MAP4K3: variants seen among roughly 807,000 people sequenced by gnomAD.
MAP4K3 encodes MAPK/ERK kinase kinase kinase 3.
In MAP4K3, 94 loss-of-function variants were observed where a neutral mutation model predicts 143.5. That is an observed-to-expected ratio of 0.65 (90% CI 0.55 to 0.78). MAP4K3 has a LOEUF of 0.78. Among genes scored for constraint, MAP4K3 ranks in the 30% least tolerant of loss-of-function variants. The probability of loss-of-function intolerance (pLI) is 0.00; values close to 1 mark genes in which losing one functional copy is unlikely to be tolerated. For synonymous variants in MAP4K3, 416 were observed against 347.2 expected (o/e 1.20, Z -2.20); for missense variants, 1,077 against 1,068.1 (o/e 1.01, Z -0.12).
At chr2:39,420,184 G>T (rs1370620614) in intron 1 of MAP4K3, among the ~76,000 whole-genome samples, 1 of 152,128 alleles carries the variant, frequency 6.6e-6, no homozygotes, top group Admixed American at 6.6e-5. Context: ...GAAAGCAAAC[G>T]CTAAACAATC....
intron 12 of MAP4K3, 88 bp from the exon 13 acceptor site, chr2:39,315,476 T>C (rs541311378): frequency 8.8e-6 from 8 of 907,294 alleles, no homozygotes; most frequent in African/African-American, 1.7e-5. Context: ...GAAAAAATAC[T>C]TCATTTTAAG....
At chr2:39,256,642 T>C (rs1680352193) in intron 31 of MAP4K3, among the ~76,000 whole-genome samples, 1 of 152,252 alleles carries the variant, frequency 6.6e-6, no homozygotes, top group African/African-American at 2.4e-5. Flanking sequence ...TTTATTTAGA[T>C]TTTTAAAAAT....
At chr2:39,368,957 T>A (rs1665999531) in intron 2 of MAP4K3, among the ~76,000 whole-genome samples, 1 of 152,072 alleles carries the variant, frequency 6.6e-6, no homozygotes, top group African/African-American at 2.4e-5. Flanking sequence ...AACCTATCAA[T>A]CACGTTTTAA....
At chr2:39,369,643 A>C (rs1198559096) in intron 2 of MAP4K3, among the ~76,000 whole-genome samples, 2 of 152,178 alleles carry the variant, frequency 1.3e-5, no homozygotes, top group African/African-American at 4.8e-5. Context: ...TCTACTAGCA[A>C]AATCCTAGCC....
chr2:39,377,382 A>C (rs1300522253), intron 2 of MAP4K3, among the ~76,000 whole-genome samples: 2 of 152,082 alleles, frequency 1.3e-5, no homozygotes, highest in Admixed American at 1.3e-4. Context: ...TAGCACAATT[A>C]TAGACTTGCT....
chr2:39,341,213 C>T (rs996038584), intron 4 of MAP4K3, among the ~76,000 whole-genome samples: 2 of 152,076 alleles, frequency 1.3e-5, no homozygotes, highest in African/African-American at 4.8e-5. Flanking sequence ...GTTCTAATAA[C>T]CATAGAAGCT....
chr2:39,258,409 T>A lies in MAP4K3; in HGVS notation c.2409A>T (p.Arg803Ser), dbSNP rs747124130. The A allele has an allele frequency of 1.9e-6, 3 of 1,611,474 alleles. No homozygotes were observed. In the Admixed American group the frequency reaches 5.0e-5, roughly 27 times the overall value. Residue 803 changes from arginine (R) to serine (S), a missense_variant, in exon 31 of 34, where the codon AGA becomes AGT. This residue lies in a region of MAP4K3 where 864 missense variants were observed against 801.2 expected (regional missense o/e 1.08). Coordinates refer to ENST00000263881, the MANE Select transcript of MAP4K3 (RefSeq NM_003618.4). The stretch of plus-strand genomic sequence containing the variant: ...ATGACAATTTCCTGCTAGATTTTAA[T>A]CTTCCTTGGAGATTTACTATTTTTA... Reference protein sequence around the residue: ...CCIKIVNLQGRLKSSRKLSSE... With the variant: ...CCIKIVNLQGSLKSSRKLSSE...
intron 8 of MAP4K3, among the ~76,000 whole-genome samples, chr2:39,331,422 G>A (rs1683677547): frequency 6.6e-6 from 1 of 152,226 alleles, no homozygotes; most frequent in East Asian, 1.9e-4. Flanking sequence ...ACTGGTAAGA[G>A]CTAAGGCTAA....
chr2:39,424,942 T>C (rs779102053), intron 1 of MAP4K3, among the ~76,000 whole-genome samples: 7 of 152,032 alleles, frequency 4.6e-5, no homozygotes, highest in East Asian at 1.9e-4. Context: ...CCAAGAGTCA[T>C]TGCTCTTTTG....
chr2:39,293,750 C>A (rs1324583861), intron 16 of MAP4K3: 1 of 159,088 alleles, frequency 6.3e-6, no homozygotes, highest in East Asian at 1.9e-4. Context: ...ATGAAACTCA[C>A]CATGTTGGAT....
chr2:39,382,599 C>T (rs1666382022), intron 1 of MAP4K3, among the ~76,000 whole-genome samples: 1 of 152,146 alleles, frequency 6.6e-6, no homozygotes, highest in African/African-American at 2.4e-5. Context: ...CATTCTAAAT[C>T]AACAGATTCC....
intron 1 of MAP4K3, among the ~76,000 whole-genome samples, chr2:39,385,544 C>T (rs868057947): frequency 1.8e-5 from 2 of 108,806 alleles, no homozygotes; most frequent in East Asian, 2.6e-4. Context: ...GAGTTATGAG[C>T]GTTCTTCATA....
chr2:39,337,223 A>C (rs1664993656), intron 5 of MAP4K3, among the ~76,000 whole-genome samples: 1 of 152,146 alleles, frequency 6.6e-6, no homozygotes, highest in African/African-American at 2.4e-5. Flanking sequence ...AATTAGTATC[A>C]GAGTGTTTGA....
intron 16 of MAP4K3, among the ~76,000 whole-genome samples, chr2:39,297,810 C>G (rs1682344723): frequency 6.6e-6 from 1 of 152,196 alleles, no homozygotes; most frequent in African/African-American, 2.4e-5. Flanking sequence ...TTTGGCCAAC[C>G]TACCTTGCCA....
chr2:39,327,430 T>G (rs59817344), intron 8 of MAP4K3, among the ~76,000 whole-genome samples: 5 of 152,182 alleles, frequency 3.3e-5, no homozygotes, highest in Non-Finnish European at 1.5e-5. Flanking sequence ...CTAATTATAC[T>G]TCCATAAATT....
chr2:39,261,551 C>T (rs1680568960), intron 28 of MAP4K3, among the ~76,000 whole-genome samples: 1 of 152,152 alleles, frequency 6.6e-6, no homozygotes, highest in South Asian at 2.1e-4. Context: ...CATAGAGTGG[C>T]ATAGCCAGAC....
At chr2:39,376,369 G>A (rs759075470) in intron 2 of MAP4K3, among the ~76,000 whole-genome samples, 1 of 152,082 alleles carries the variant, frequency 6.6e-6, no homozygotes, top group Non-Finnish European at 1.5e-5. Context: ...GAATATGAAT[G>A]ATTTTTATTT....
intron 8 of MAP4K3, among the ~76,000 whole-genome samples, chr2:39,326,735 G>C (rs115087354): frequency 0.023 from 3,507 of 152,156 alleles, 144 homozygotes; most frequent in Admixed American, 0.11. Context: ...GAGGGGCCTC[G>C]TAGGAGGTGA....
At chr2:39,302,807 C>G (rs1252526042) in intron 15 of MAP4K3, among the ~76,000 whole-genome samples, 3 of 152,060 alleles carry the variant, frequency 2.0e-5, no homozygotes, top group Non-Finnish European at 4.4e-5. Context: ...ATGCAATAAC[C>G]TAGTATAGAT....
Sources: gnomAD v4.1 joint callset for allele counts (sites outside exome capture counted in the v4.1 genomes callset) on GRCh38, gnomAD v4.1.1 for gene constraint, gnomAD v4.1.1 regional missense constraint, MANE v1.5 for transcripts, NCBI Gene and HGNC (gene_info 2026-07-23, HGNC 2026-07-21) for gene names.